The following CIRSR variants were observed in gnomAD, a reference collection of about 807,000 sequenced individuals.
CIRSR encodes CBF1 (RBPJ) interacting corepressor 1.
chr2:174,387,549 A>G, the CIRSR span: 3 of 889,172 alleles, frequency 3.4e-6, no homozygotes, highest in Non-Finnish European at 4.9e-6. Context: ...AGTAAAAGAG[A>G]TAGCCCTCAC....
At chr2:174,354,466 AATAT>A in the CIRSR span, among the ~76,000 whole-genome samples, 3 of 94,910 alleles carry the variant, frequency 3.2e-5, no homozygotes, top group South Asian at 7.5e-4. Flanking sequence ...TAATATATAA[AATAT>A]ATATAATATA....
chr2:174,370,882 T>A, the CIRSR span, among the ~76,000 whole-genome samples: 1 of 148,910 alleles, frequency 6.7e-6, no homozygotes, highest in Non-Finnish European at 1.5e-5. Context: ...CTGCAATCCA[T>A]CCTGGGTGAC....
chr2:174,395,557 G>T, the CIRSR span: 4 of 1,613,998 alleles, frequency 2.5e-6, no homozygotes, highest in Admixed American at 1.7e-5. Context: ...TCACTTTTTT[G>T]ATATTGGATT....
chr2:174,385,561 T>G, the CIRSR span, among the ~76,000 whole-genome samples: 79,832 of 151,662 alleles, frequency 0.53, 21,462 homozygotes, highest in East Asian at 0.72. Context: ...ACTGGTTGAT[T>G]CCAATGCTGC....
chr2:174,393,491 A>C, the CIRSR span, among the ~76,000 whole-genome samples: 1 of 152,146 alleles, frequency 6.6e-6, no homozygotes, highest in Admixed American at 6.5e-5. Flanking sequence ...CAACATGCCT[A>C]ATTTTACAAT....
the CIRSR span, among the ~76,000 whole-genome samples, chr2:174,377,824 CAAA>C: frequency 0.015 from 900 of 60,024 alleles, 4 homozygotes; most frequent in Non-Finnish European, 0.021. Flanking sequence ...GACGCCATCT[CAAA>C]AAAAAAAAAA....
chr2:174,349,139 T>C, the CIRSR span: 10 of 1,482,788 alleles, frequency 6.7e-6, no homozygotes, highest in Admixed American at 1.9e-4. Flanking sequence ...TTCTATCTTT[T>C]TTCTTTTTTT....
the CIRSR span, among the ~76,000 whole-genome samples, chr2:174,393,795 T>G: frequency 6.6e-6 from 1 of 150,476 alleles, no homozygotes; most frequent in African/African-American, 2.5e-5. Context: ...GAAACCATCA[T>G]CACAATCTAC....
At chr2:174,381,915 C>T in the CIRSR span, 1 of 590,018 alleles carries the variant, frequency 1.7e-6, no homozygotes, top group Admixed American at 3.2e-5. Context: ...AAACTTTACT[C>T]CACTAACTAG....
the CIRSR span, chr2:174,380,824 A>AT: frequency 1.3e-6 from 2 of 1,584,616 alleles, no homozygotes; most frequent in Non-Finnish European, 1.7e-6. Flanking sequence ...TCTTGATTGC[A>AT]TATCAAAAAT....
chr2:174,366,170 AAAAG>A, the CIRSR span, among the ~76,000 whole-genome samples: 1 of 152,154 alleles, frequency 6.6e-6, no homozygotes, highest in African/African-American at 2.4e-5. Context: ...TCCCAAACTG[AAAAG>A]AGAGAAAAGA....
the CIRSR span, among the ~76,000 whole-genome samples, chr2:174,364,266 T>C: frequency 6.6e-6 from 1 of 152,200 alleles, no homozygotes; most frequent in Admixed American, 6.5e-5. Flanking sequence ...CAGGTCACGC[T>C]GATACAAGAG....
chr2:174,349,129 TTCTA>T, the CIRSR span: 11 of 1,499,958 alleles, frequency 7.3e-6, no homozygotes, highest in East Asian at 2.5e-5. Context: ...TTTTTCTTTT[TTCTA>T]TCTTTTTTCT....
At chr2:174,351,337 T>C in the CIRSR span, among the ~76,000 whole-genome samples, 3 of 152,184 alleles carry the variant, frequency 2.0e-5, no homozygotes, top group Admixed American at 6.5e-5. Flanking sequence ...AGGGGTAAGT[T>C]AGCAGGAAGG....
At chr2:174,383,161 A>G in the CIRSR span, among the ~76,000 whole-genome samples, 1 of 152,244 alleles carries the variant, frequency 6.6e-6, no homozygotes, top group Non-Finnish European at 1.5e-5. Context: ...CACATGACAT[A>G]TGATCTAATT....
the CIRSR span, among the ~76,000 whole-genome samples, chr2:174,368,517 T>C: frequency 6.6e-6 from 1 of 152,122 alleles, no homozygotes; most frequent in African/African-American, 2.4e-5. Context: ...AAAAAATATA[T>C]ATTTTGAACT....
At chr2:174,393,308 A>C in the CIRSR span, among the ~76,000 whole-genome samples, 1 of 152,232 alleles carries the variant, frequency 6.6e-6, no homozygotes, top group Non-Finnish European at 1.5e-5. Context: ...ATCCTGTGAC[A>C]TAAATGATTG....
the CIRSR span, among the ~76,000 whole-genome samples, chr2:174,355,016 TCTC>T: frequency 4.6e-5 from 7 of 151,732 alleles, no homozygotes; most frequent in African/African-American, 1.7e-4. Context: ...ACTTAAACCT[TCTC>T]CTATCAACCA....
the CIRSR span, among the ~76,000 whole-genome samples, chr2:174,381,150 T>C: frequency 6.6e-6 from 1 of 152,234 alleles, no homozygotes; most frequent in Non-Finnish European, 1.5e-5. Flanking sequence ...AAGTGTACTT[T>C]GGACATGAAA....
Sources: gnomAD v4.1 joint callset for allele counts (sites outside exome capture counted in the v4.1 genomes callset) on GRCh38, gnomAD v4.1.1 for gene constraint, MANE v1.5 for transcripts, NCBI Gene and HGNC (gene_info 2026-07-23, HGNC 2026-07-21) for gene names.